The following RAPGEF4 variants were observed in gnomAD, a reference collection of about 807,000 sequenced individuals.
RAPGEF4 encodes Rap guanine nucleotide exchange factor 4.
A neutral mutation model predicts 147.9 loss-of-function variants in RAPGEF4; 66 were observed. That is an observed-to-expected ratio of 0.45 (90% CI 0.37 to 0.55). RAPGEF4 has a LOEUF of 0.55. Among genes scored for constraint, RAPGEF4 ranks in the 20% least tolerant of loss-of-function variants. The pLI is 0.00. For missense variants in RAPGEF4, 1,071 were observed against 1,257.3 expected, an observed-to-expected ratio of 0.85 and a Z score of 2.24; for synonymous variants, 419 against 442.7, an observed-to-expected ratio of 0.95 and a Z score of 0.67.
At chr2:172,895,100 T>G (rs1698337459) in intron 4 of RAPGEF4, among the ~76,000 whole-genome samples, 1 of 152,152 alleles carries the variant, frequency 6.6e-6, no homozygotes, top group Admixed American at 6.5e-5. Context: ...CTGTTTTAAG[T>G]GCTCCTTTGG....
At chr2:172,801,145 G>A (rs1686935924) in intron 3 of RAPGEF4, among the ~76,000 whole-genome samples, 1 of 152,170 alleles carries the variant, frequency 6.6e-6, no homozygotes, top group South Asian at 2.1e-4. Flanking sequence ...CTTTCCCAGG[G>A]CCACACAGGT....
intron 6 of RAPGEF4, among the ~76,000 whole-genome samples, chr2:172,946,251 A>G (rs1687667947): frequency 6.6e-6 from 1 of 152,196 alleles, no homozygotes; most frequent in African/African-American, 2.4e-5. Flanking sequence ...AACAAAACCC[A>G]CACTTAGAAA....
At chr2:172,864,025 G>A (rs571245188) in intron 4 of RAPGEF4, among the ~76,000 whole-genome samples, 1 of 152,316 alleles carries the variant, frequency 6.6e-6, no homozygotes, top group Non-Finnish European at 1.5e-5. Flanking sequence ...ACTACAAGAT[G>A]ATATGTATGG....
intron 4 of RAPGEF4, among the ~76,000 whole-genome samples, chr2:172,853,939 A>G (rs1693136685): frequency 1.3e-5 from 2 of 152,050 alleles, no homozygotes; most frequent in South Asian, 4.1e-4. Context: ...ACTTATTTAT[A>G]GCACACTAGG....
chr2:173,041,998 G>A (rs1358844133), intron 29 of RAPGEF4, among the ~76,000 whole-genome samples: 1 of 152,082 alleles, frequency 6.6e-6, no homozygotes, highest in African/African-American at 2.4e-5. Context: ...CCTGACCTCC[G>A]TGTAACACCG....
At chr2:172,873,492 G>T (rs1486036026) in intron 4 of RAPGEF4, among the ~76,000 whole-genome samples, 1 of 152,094 alleles carries the variant, frequency 6.6e-6, no homozygotes, top group South Asian at 2.1e-4. Context: ...TGGTCCTTCA[G>T]CTGCTACCCT....
At chr2:173,047,655 CATTTTCTGT>C (rs1425979884) in intron 29 of RAPGEF4, among the ~76,000 whole-genome samples, 5 of 151,148 alleles carry the variant, frequency 3.3e-5, no homozygotes, top group African/African-American at 1.2e-4. Context: ...TTGCTCTTAA[CATTTTCTGT>C]ATTTTCTGAA....
rs17760326 is a variant in RAPGEF4, at chr2:173,045,114, G to A, written c.2854-3486G>A. ...ACCAATGAATAAACAGCTGTCTACC[G>A]TCAAAAATAACATAGGCTGAAGTTT... On this transcript the variant is annotated intron_variant, in intron 29 of 30. Coordinates refer to ENST00000397081, the MANE Select transcript of RAPGEF4 (RefSeq NM_007023.4). 3.5e-3 allele frequency among the ~76,000 whole-genome samples: 536 copies of A among 152,272 alleles called. 3 individuals carry two copies. Among genetic ancestry groups the A allele is most frequent in the Middle Eastern group, 6.8e-3 (2 of 294 alleles).
intron 6 of RAPGEF4, among the ~76,000 whole-genome samples, chr2:172,932,673 A>C (rs1241057357): frequency 6.6e-6 from 1 of 152,196 alleles, no homozygotes. Flanking sequence ...ACACAACAGC[A>C]TCTTAAATAG....
intron 4 of RAPGEF4, among the ~76,000 whole-genome samples, chr2:172,823,057 TAAGA>T (rs1287855243): frequency 6.6e-6 from 1 of 152,190 alleles, no homozygotes; most frequent in Non-Finnish European, 1.5e-5. Context: ...AAAAATACTC[TAAGA>T]AAGATCCAGC....
intron 6 of RAPGEF4, among the ~76,000 whole-genome samples, chr2:172,938,515 C>T (rs1686831689): frequency 6.6e-6 from 1 of 152,184 alleles, no homozygotes; most frequent in South Asian, 2.1e-4. Context: ...TGTGCAGTGT[C>T]CTTGCCTTCA....
intron 21 of RAPGEF4, among the ~76,000 whole-genome samples, chr2:173,017,959 A>C (rs775536220): frequency 6.6e-6 from 1 of 152,202 alleles, no homozygotes; most frequent in Non-Finnish European, 1.5e-5. Context: ...TGGTTATTTA[A>C]GATTCTCCAA....
intron 6 of RAPGEF4, among the ~76,000 whole-genome samples, chr2:172,932,860 C>G (rs553520098): frequency 1.2e-3 from 182 of 152,198 alleles, no homozygotes; most frequent in African/African-American, 4.3e-3. Context: ...CTCTTGTGAC[C>G]ATGGGTCTTT....
chr2:173,000,014 C>G (rs1424915609), intron 16 of RAPGEF4, among the ~76,000 whole-genome samples: 1 of 152,302 alleles, frequency 6.6e-6, no homozygotes, highest in South Asian at 2.1e-4. Context: ...TGCATATAAG[C>G]AAGTATTACC....
chr2:173,013,261 C>T (rs1055986859), intron 17 of RAPGEF4, among the ~76,000 whole-genome samples: 3 of 152,146 alleles, frequency 2.0e-5, no homozygotes, highest in African/African-American at 4.8e-5. Context: ...TAAGACAGGG[C>T]CAGTCTTGTA....
intron 10 of RAPGEF4, among the ~76,000 whole-genome samples, chr2:172,976,903 G>A (rs1395453397): frequency 6.6e-6 from 1 of 152,110 alleles, no homozygotes; most frequent in Non-Finnish European, 1.5e-5. Flanking sequence ...TTATTATCTT[G>A]TCTGTAACTA....
chr2:172,864,406 G>A (rs573193424), intron 4 of RAPGEF4, among the ~76,000 whole-genome samples: 10 of 152,314 alleles, frequency 6.6e-5, no homozygotes, highest in Admixed American at 6.5e-4. Context: ...TCAGCCACCA[G>A]GGGGTGCTTC....
intron 1 of RAPGEF4, among the ~76,000 whole-genome samples, chr2:172,757,781 A>G (rs1252145401): frequency 6.6e-6 from 1 of 152,222 alleles, no homozygotes; most frequent in Admixed American, 6.5e-5. Context: ...TGAGATTTCC[A>G]TATAAATATC....
At chr2:172,982,221 G>A (rs1000625343) in intron 10 of RAPGEF4, among the ~76,000 whole-genome samples, 6 of 152,146 alleles carry the variant, frequency 3.9e-5, no homozygotes, top group Non-Finnish European at 5.9e-5. Context: ...ATAATGTCAT[G>A]ATGGTACATC....
Sources: allele counts gnomAD v4.1 joint callset (sites outside exome capture counted in the v4.1 genomes callset), GRCh38; gene constraint gnomAD v4.1.1; transcripts MANE v1.5; gene names NCBI Gene and HGNC (gene_info 2026-07-23, HGNC 2026-07-21).